Variants in FCHSD2 observed in about 807,000 individuals in gnomAD.
The protein encoded by FCHSD2 is F-BAR and double SH3 domains protein 2.
Under a neutral mutation model 108.1 loss-of-function variants are expected in FCHSD2, and 38 were observed. The ratio of observed to expected loss-of-function variants is 0.35; its 90% CI spans 0.27 to 0.46. FCHSD2 has a LOEUF of 0.46. FCHSD2 is among the 20% of genes least tolerant of loss of function. The pLI is 1.00. For missense variants in FCHSD2, 751 were observed against 897.8 expected, an observed-to-expected ratio of 0.84 and a Z score of 2.09; for synonymous variants, 279 against 314.7, an observed-to-expected ratio of 0.89 and a Z score of 1.20.
At chr11:73,035,905 G>C (rs1251054093) in intron 3 of FCHSD2, among the ~76,000 whole-genome samples, 1 of 151,830 alleles carries the variant, frequency 6.6e-6, no homozygotes, top group African/African-American at 2.4e-5. Flanking sequence ...ATTTTTAATA[G>C]AGACAGGGTT....
chr11:72,907,213 T>A (rs1488779244), intron 9 of FCHSD2, among the ~76,000 whole-genome samples: 1 of 152,232 alleles, frequency 6.6e-6, no homozygotes, highest in Non-Finnish European at 1.5e-5. Flanking sequence ...AAGTTGCTTA[T>A]CAGCTTAAGG....
At chr11:72,959,886 A>ATG (rs1856792517) in intron 8 of FCHSD2, among the ~76,000 whole-genome samples, 1 of 74,564 alleles carries the variant, frequency 1.3e-5, no homozygotes, top group South Asian at 5.8e-4. Context: ...GTGTGTGTGT[A>ATG]TGTGTGATAT....
At chr11:73,092,515 T>C (rs1438447143) in intron 2 of FCHSD2, among the ~76,000 whole-genome samples, 1 of 152,320 alleles carries the variant, frequency 6.6e-6, no homozygotes, top group Middle Eastern at 3.4e-3. Context: ...CTTGAGAGCA[T>C]TTAAGTATAC....
At chr11:73,007,457 C>A (rs1857765106) in intron 4 of FCHSD2, among the ~76,000 whole-genome samples, 1 of 151,728 alleles carries the variant, frequency 6.6e-6, no homozygotes, top group Admixed American at 6.6e-5. Flanking sequence ...CTCATCTCTA[C>A]AAAAAAAATT....
chr11:73,019,752 T>C (rs980359169), intron 3 of FCHSD2, among the ~76,000 whole-genome samples: 1 of 152,186 alleles, frequency 6.6e-6, no homozygotes, highest in Non-Finnish European at 1.5e-5. Context: ...TAAATAATAT[T>C]GCACATTTCT....
At chr11:73,096,984 T>C (rs1232394036) in intron 2 of FCHSD2, among the ~76,000 whole-genome samples, 2 of 137,514 alleles carry the variant, frequency 1.5e-5, no homozygotes, top group African/African-American at 5.4e-5. Flanking sequence ...ATTTCATTGA[T>C]GGATTTTTTT....
chr11:73,052,485 C>T (rs1007377816), intron 3 of FCHSD2, among the ~76,000 whole-genome samples: 2 of 151,892 alleles, frequency 1.3e-5, no homozygotes, highest in Non-Finnish European at 2.9e-5. Flanking sequence ...TACTTAAAGG[C>T]TAATGCAGTG....
intron 3 of FCHSD2, among the ~76,000 whole-genome samples, chr11:73,024,248 T>C (rs1858176741): frequency 6.6e-6 from 1 of 152,140 alleles, no homozygotes; most frequent in African/African-American, 2.4e-5. Flanking sequence ...ATGTGAGACA[T>C]AACCTCATAA....
At chr11:72,857,079 C>G (rs1378469625) in intron 13 of FCHSD2, among the ~76,000 whole-genome samples, 16 of 152,194 alleles carry the variant, frequency 1.1e-4, no homozygotes, top group Admixed American at 1.0e-3. Flanking sequence ...CCGGTTGATA[C>G]TAAACATTCC....
chr11:72,989,722 C>T (rs1300883432), intron 5 of FCHSD2, among the ~76,000 whole-genome samples: 1 of 152,158 alleles, frequency 6.6e-6, no homozygotes, highest in Non-Finnish European at 1.5e-5. Context: ...TCAATTAACT[C>T]TTATAACACA....
intron 3 of FCHSD2, among the ~76,000 whole-genome samples, chr11:73,073,821 A>G (rs139093689): frequency 6.9e-4 from 105 of 152,330 alleles, no homozygotes; most frequent in African/African-American, 2.5e-3. Context: ...TAAAAACTGT[A>G]CATGTGCAAG....
intron 13 of FCHSD2, among the ~76,000 whole-genome samples, chr11:72,852,725 C>T (rs979327745): frequency 5.9e-5 from 9 of 151,324 alleles, no homozygotes; most frequent in South Asian, 2.1e-4. Context: ...TTTATACTAG[C>T]GAAGACATGA....
chr11:73,060,256 T>C (rs902969323), intron 3 of FCHSD2, among the ~76,000 whole-genome samples: 2 of 152,234 alleles, frequency 1.3e-5, no homozygotes, highest in Admixed American at 6.5e-5. Flanking sequence ...TTGTACCATA[T>C]TTTGGCATTT....
chr11:73,086,611 GA>G (rs1387710777), intron 2 of FCHSD2, among the ~76,000 whole-genome samples: 1 of 152,086 alleles, frequency 6.6e-6, no homozygotes, highest in Non-Finnish European at 1.5e-5. Flanking sequence ...TGGTTCTTCA[GA>G]AAGATCAACA....
At chr11:73,125,041 A>G (rs1860821389) in intron 2 of FCHSD2, among the ~76,000 whole-genome samples, 1 of 152,234 alleles carries the variant, frequency 6.6e-6, no homozygotes, top group African/African-American at 2.4e-5. Flanking sequence ...CAGCAAAAAT[A>G]TCTTCCCAAA....
chr11:72,949,207 G>A (rs541926175), intron 8 of FCHSD2, among the ~76,000 whole-genome samples: 1 of 151,952 alleles, frequency 6.6e-6, no homozygotes, highest in Non-Finnish European at 1.5e-5. Flanking sequence ...CCAGCACTTT[G>A]GGAGGCCCAT....
At chr11:72,840,984 C>A (rs757623880) in intron 18 of FCHSD2, 25 bp from the exon 19 acceptor site, 2 of 1,565,352 alleles carry the variant, frequency 1.3e-6, no homozygotes, top group Admixed American at 1.7e-5. Context: ...CAAAGAAGCT[C>A]ATTTTACTTG....
intron 8 of FCHSD2, among the ~76,000 whole-genome samples, chr11:72,981,536 T>C (rs939556219): frequency 2.0e-5 from 3 of 152,246 alleles, no homozygotes; most frequent in Non-Finnish European, 4.4e-5. Flanking sequence ...GGGAAAAATA[T>C]ACAGCTTTGA....
At chr11:72,846,720 C>G (rs1861154820) in intron 14 of FCHSD2, among the ~76,000 whole-genome samples, 1 of 152,160 alleles carries the variant, frequency 6.6e-6, no homozygotes, top group African/African-American at 2.4e-5. Context: ...CAGTATCTCT[C>G]CAAATTTCCT....
Sources: allele counts gnomAD v4.1 joint callset (sites outside exome capture counted in the v4.1 genomes callset), GRCh38; gene constraint gnomAD v4.1.1; transcripts MANE v1.5; gene names NCBI Gene and HGNC (gene_info 2026-07-23, HGNC 2026-07-21).